GNAS: variants seen among roughly 807,000 people sequenced by gnomAD.
GNAS encodes the protein GNAS complex locus.
GNAS carries 8 observed loss-of-function variants against 54.5 expected under a neutral mutation model. That is an observed-to-expected ratio of 0.15 (90% CI 0.09 to 0.26). GNAS has a LOEUF of 0.26. Among genes scored for constraint, GNAS ranks in the 10% least tolerant of loss-of-function variants. GNAS has a pLI of 1.00. For synonymous variants in GNAS, 204 were observed against 191.4 expected (o/e 1.07, Z -0.54); for missense variants, 170 against 529.8 (o/e 0.32, Z 6.67).
intron 1 of GNAS, chr20:58,854,330 G>A (rs767467610): frequency 2.5e-5 from 40 of 1,593,194 alleles, no homozygotes; most frequent in Non-Finnish European, 3.3e-5. Flanking sequence ...CCCCAGTTGA[G>A]GAGGAAGCAG....
At chr20:58,855,381 G>A (rs750977403) in intron 1 of GNAS, 81 of 1,528,002 alleles carry the variant, frequency 5.3e-5, no homozygotes, top group Admixed American at 7.8e-5. Flanking sequence ...CCGGGGAACC[G>A]GGGAGGGGGT....
rs73915940 is a variant in GNAS, at chr20:58,894,565, A to G, written c.140-1047A>G. On this transcript the variant is annotated intron_variant, in intron 1 of 12. Coordinates refer to ENST00000371085, the MANE Select transcript of GNAS (RefSeq NM_000516.7). ...TGTGGAAGGAGGGCAAAAAAACTTC[A>G]CACGTGGATTATCTGTTGGAGAATG... Among the ~76,000 whole-genome samples, 93 of 152,348 alleles carry G rather than the reference A, an allele frequency of 6.1e-4. 1 individual carries two copies. The highest frequency in any genetic ancestry group is 2.1e-3 in the African/African-American group (88 of 41,582).
chr20:58,880,412 T>G (rs903123514), intron 1 of GNAS, among the ~76,000 whole-genome samples: 1 of 152,212 alleles, frequency 6.6e-6, no homozygotes, highest in Non-Finnish European at 1.5e-5. Flanking sequence ...AAAATGTGTT[T>G]TCAGCAGTTT....
rs2146208142 is a variant in GNAS, at chr20:58,905,376, C to T, written c.433-7C>T. On this transcript the variant is annotated splice_region_variant and splice_polypyrimidine_tract_variant and intron_variant, in intron 5 of 12. Coordinates refer to ENST00000371085, the MANE Select transcript of GNAS (RefSeq NM_000516.7). ...CTTTCTCTAAACTTTCTTGTGTTCACTTTCAGGAATTCTATGAGCATGCCA... is the reference window on the plus strand; with the variant it reads ...CTTTCTCTAAACTTTCTTGTGTTCATTTTCAGGAATTCTATGAGCATGCCA... 1.3e-6 allele frequency: 2 copies of T among 1,538,352 alleles called. No individual in the cohort carries two copies.
chr20:58,871,321 A>G (rs1045940274), intron 1 of GNAS, among the ~76,000 whole-genome samples: 1 of 152,152 alleles, frequency 6.6e-6, no homozygotes, highest in African/African-American at 2.4e-5. Context: ...TAGAGATTAA[A>G]TTTAAAAATT....
In GNAS at chr20:58,854,673, G is replaced by A. The variant is rs1220055659; in HGVS notation, c.43+13787G>A. The A allele has an allele frequency of 3.3e-5, 51 of 1,527,772 alleles. No individual in the cohort carries two copies. Among genetic ancestry groups the A allele is most frequent in the Non-Finnish European group, 4.4e-5 (50 of 1,143,686 alleles). The allele number at this position is 1,527,772 out of a possible 1,614,324, so 94.6% of individuals were successfully genotyped here. A position where few individuals can be genotyped will look rare whatever the true frequency, so the allele number is the denominator to read the frequency against. ...CCCAGCCGATCCAGATGCCGGGGCG[G>A]CCCCTGAGGCTCCCGCCGCCCCTGC... is the stretch of plus-strand genomic sequence containing the variant. On this transcript the variant is annotated intron_variant, in intron 1 of 12. Transcript: ENST00000306090.
chr20:58,894,296 C>CGT (rs2089827721), intron 1 of GNAS, among the ~76,000 whole-genome samples: 1 of 152,176 alleles, frequency 6.6e-6, no homozygotes, highest in African/African-American at 2.4e-5. Flanking sequence ...CTAAATATTA[C>CGT]GTATTGTTTC....
chr20:58,874,372 C>T (rs1460305601), intron 1 of GNAS, among the ~76,000 whole-genome samples: 1 of 152,242 alleles, frequency 6.6e-6, no homozygotes, highest in Non-Finnish European at 1.5e-5. Flanking sequence ...TCTTTCAAGA[C>T]TAAAATTCTC....
chr20:58,891,143 CTCCCCGGCCCGTCCCG>C (rs2089213551), upstream of GNAS, among the ~76,000 whole-genome samples: 1 of 147,022 alleles, frequency 6.8e-6, no homozygotes. Context: ...TGGGGGGCGT[CTCCCCGGCCCGTCCCG>C]TCCCCGGCCG....
intron 1 of GNAS, chr20:58,855,492 C>G (rs1302973868): frequency 3.9e-6 from 3 of 760,700 alleles, no homozygotes; most frequent in Non-Finnish European, 7.1e-6. Context: ...GGGACCCTAA[C>G]TGCCCTGGGA....
chr20:58,855,788 G>T, intron 1 of GNAS: 1 of 606,936 alleles, frequency 1.6e-6, no homozygotes, highest in South Asian at 2.0e-5. Context: ...ACAGCTTGTC[G>T]TTGGTGTGTG....
At chr20:58,854,754 C>G in intron 1 of GNAS, 4 of 1,547,146 alleles carry the variant, frequency 2.6e-6, no homozygotes, top group Non-Finnish European at 3.5e-6. Flanking sequence ...CGCAGGGGCT[C>G]CCACTGCCCC....
At chr20:58,904,327 C>T (rs2090895408) in intron 5 of GNAS, among the ~76,000 whole-genome samples, 2 of 151,974 alleles carry the variant, frequency 1.3e-5, no homozygotes, top group Admixed American at 1.3e-4. Flanking sequence ...TTCTAAAGTC[C>T]TTGGGGCAAA....
intron 1 of GNAS, among the ~76,000 whole-genome samples, chr20:58,851,495 A>G (rs1220315766): frequency 1.3e-5 from 2 of 152,148 alleles, no homozygotes; most frequent in African/African-American, 4.8e-5. Flanking sequence ...TGGCTCGCCA[A>G]TCTGTCTCAC....
intron 6 of GNAS, among the ~76,000 whole-genome samples, chr20:58,906,185 C>T (rs1045862687): frequency 6.6e-6 from 1 of 152,174 alleles, no homozygotes; most frequent in African/African-American, 2.4e-5. Context: ...GCGAGGAGGA[C>T]AGGTTAAGGC....
At chr20:58,854,979 A>G in intron 1 of GNAS, 1 of 1,612,196 alleles carries the variant, frequency 6.2e-7, no homozygotes, top group Non-Finnish European at 8.5e-7. Context: ...GGTGGCCAGC[A>G]GCGACGATGA....
chr20:58,887,475 G>A (rs1284746925), upstream of GNAS, among the ~76,000 whole-genome samples: 1 of 152,200 alleles, frequency 6.6e-6, no homozygotes, highest in African/African-American at 2.4e-5. Context: ...ACTATCACTA[G>A]TACAGGCAGC....
At chr20:58,881,741 A>C (rs1021923172) in intron 1 of GNAS, 1 of 152,122 alleles carries the variant, frequency 6.6e-6, no homozygotes, top group Non-Finnish European at 1.5e-5. Context: ...CATACCTTCC[A>C]TATGTGAAGG....
rs1162576462 is a variant in GNAS, at chr20:58,854,624, C to A, written c.43+13738C>A. ...CGGCCCCTGACGCCCCAGCCGATCC[C>A]GACTCCGGGGCGGCCCCTGACGCCC... On this transcript the variant is annotated intron_variant, in intron 1 of 12. Transcript: ENST00000306090. The A allele has an allele frequency of 5.9e-6, 9 of 1,535,542 alleles. No individual in the cohort carries two copies. The highest frequency in any genetic ancestry group is 7.8e-6 in the Non-Finnish European group (9 of 1,147,520).
Sources: gnomAD v4.1 joint callset for allele counts (sites outside exome capture counted in the v4.1 genomes callset) on GRCh38, gnomAD v4.1.1 for gene constraint, MANE v1.5 for transcripts, NCBI Gene and HGNC (gene_info 2026-07-23, HGNC 2026-07-21) for gene names.